The following CEP112 variants were observed in gnomAD, a reference collection of about 807,000 sequenced individuals.
The protein encoded by CEP112 is centrosomal protein 112.
CEP112 carries 127 observed loss-of-function variants against 153.0 expected under a neutral mutation model. The ratio of observed to expected loss-of-function variants is 0.83; its 90% CI spans 0.72 to 0.96. CEP112 has a LOEUF of 0.96. Ranked by LOEUF, CEP112 falls within the 40% of genes least tolerant of loss-of-function variation. CEP112 has a pLI of 0.00. For synonymous variants in CEP112, 358 were observed against 374.4 expected, an observed-to-expected ratio of 0.96 and a Z score of 0.51; for missense variants, 1,089 against 1,101.2, an observed-to-expected ratio of 0.99 and a Z score of 0.16.
chr17:66,178,580 T>C (rs1416621876), intron 2 of CEP112, among the ~76,000 whole-genome samples: 1 of 152,182 alleles, frequency 6.6e-6, no homozygotes. Context: ...ATTTGTCCAT[T>C]GTCGCTTTGG....
chr17:66,059,745 T>G (rs1314123662), intron 11 of CEP112, among the ~76,000 whole-genome samples: 2 of 152,140 alleles, frequency 1.3e-5, no homozygotes, highest in African/African-American at 4.8e-5. Context: ...TTTGGAGATT[T>G]CTCAGGGAAT....
chr17:65,885,282 T>C (rs1367808484), intron 20 of CEP112, among the ~76,000 whole-genome samples: 1 of 152,208 alleles, frequency 6.6e-6, no homozygotes, highest in African/African-American at 2.4e-5. Flanking sequence ...CTTGGGTTTA[T>C]CTTCTAGGTT....
At chr17:65,958,496 T>C in intron 18 of CEP112, among the ~76,000 whole-genome samples, 1 of 129,014 alleles carries the variant, frequency 7.8e-6, no homozygotes. Context: ...AAGTGCTTGC[T>C]CCTGCTGTCT....
At chr17:65,887,184 A>C (rs1479946669) in intron 20 of CEP112, among the ~76,000 whole-genome samples, 1 of 152,154 alleles carries the variant, frequency 6.6e-6, no homozygotes. Flanking sequence ...ATGGCTTTGA[A>C]GTGAGACACA....
intron 17 of CEP112, among the ~76,000 whole-genome samples, chr17:65,969,079 T>TG (rs2062525332): frequency 1.3e-5 from 1 of 79,476 alleles, no homozygotes; most frequent in Non-Finnish European, 2.2e-5. Context: ...TTTGTGTGTG[T>TG]GGATTTTTTT....
intron 6 of CEP112, among the ~76,000 whole-genome samples, chr17:66,116,131 G>A (rs1015693980): frequency 2.0e-5 from 3 of 152,146 alleles, no homozygotes; most frequent in African/African-American, 7.2e-5. Context: ...TAATGAAAAA[G>A]TATTTACCAA....
intron 24 of CEP112, among the ~76,000 whole-genome samples, chr17:65,647,070 A>G (rs541629264): frequency 1.5e-4 from 23 of 152,354 alleles, no homozygotes; most frequent in African/African-American, 5.5e-4. Flanking sequence ...CACATATTCA[A>G]AAATCCAACC....
intron 12 of CEP112, among the ~76,000 whole-genome samples, chr17:66,047,439 C>G (rs2056236): frequency 0.41 from 62,582 of 152,178 alleles, 14,345 homozygotes; most frequent in East Asian, 0.87. Flanking sequence ...AAACACCCAT[C>G]TTTGGTTTGA....
At chr17:65,895,900 TC>T (rs147175139) in intron 20 of CEP112, among the ~76,000 whole-genome samples, 2,003 of 152,162 alleles carry the variant, frequency 0.013, 22 homozygotes, top group South Asian at 0.051. Context: ...CTTGCAACCC[TC>T]CCAGTTCTCA....
chr17:66,183,771 C>CA (rs925187231), intron 1 of CEP112, among the ~76,000 whole-genome samples: 43 of 144,846 alleles, frequency 3.0e-4, no homozygotes, highest in East Asian at 2.0e-3. Context: ...TATCCATATA[C>CA]AAAAAAAAAA....
At chr17:66,110,436 A>C (rs527837007) in intron 6 of CEP112, among the ~76,000 whole-genome samples, 9 of 152,242 alleles carry the variant, frequency 5.9e-5, no homozygotes, top group African/African-American at 2.2e-4. Context: ...AAAGAAACTC[A>C]AGTATACTTA....
At chr17:66,150,359 A>G (rs373320163) in intron 4 of CEP112, among the ~76,000 whole-genome samples, 14 of 142,760 alleles carry the variant, frequency 9.8e-5, no homozygotes, top group African/African-American at 3.6e-4. Context: ...CACCATGCCC[A>G]GCTAATTTTT....
intron 5 of CEP112, 50 bp from the exon 6 acceptor site, chr17:66,129,873 A>T (rs376557736): frequency 2.0e-5 from 23 of 1,168,612 alleles, no homozygotes; most frequent in Non-Finnish European, 2.8e-5. Context: ...AAGATGGAAG[A>T]AATAAAAGGA....
chr17:65,674,340 A>G (rs1019194337), intron 24 of CEP112, among the ~76,000 whole-genome samples: 2 of 152,220 alleles, frequency 1.3e-5, no homozygotes, highest in Admixed American at 6.5e-5. Flanking sequence ...GGCAGGGAAG[A>G]ATTATGGGGT....
rs184131780 is a variant in CEP112 at position 65,965,370 on chromosome 17, G to A, written c.1737-3772C>T. On this transcript the variant is annotated intron_variant, in intron 17 of 26. Coordinates refer to ENST00000535342, the MANE Select transcript of CEP112 (RefSeq NM_001199165.4). The stretch of plus-strand genomic sequence containing the variant: ...AGCACAGGGAAATATGTAAAATCTG[G>A]TTTCCAGTCCCGCCATACTGTCTGA... Among the ~76,000 whole-genome samples, 21 of 151,738 alleles carry A rather than the reference G, an allele frequency of 1.4e-4. No homozygotes were observed. The East Asian group carries it at 3.9e-3, about 28-fold the overall frequency.
chr17:65,816,438 C>A (rs2056269688), intron 21 of CEP112, among the ~76,000 whole-genome samples: 1 of 151,866 alleles, frequency 6.6e-6, no homozygotes, highest in South Asian at 2.1e-4. Context: ...CCCCCACCCC[C>A]TTCCCACCTT....
chr17:65,760,113 G>A (rs1387916639), intron 21 of CEP112, among the ~76,000 whole-genome samples: 1 of 152,106 alleles, frequency 6.6e-6, no homozygotes, highest in Admixed American at 6.6e-5. Flanking sequence ...TATTAACCTT[G>A]CATCCTGTAA....
chr17:65,746,245 G>A (rs2051458526), intron 22 of CEP112, among the ~76,000 whole-genome samples: 1 of 150,950 alleles, frequency 6.6e-6, no homozygotes, highest in African/African-American at 2.4e-5. Context: ...AGTCCAGGAT[G>A]TTCTAAGAAG....
chr17:65,872,611 C>A (rs1328813286), intron 20 of CEP112, among the ~76,000 whole-genome samples: 1 of 152,028 alleles, frequency 6.6e-6, no homozygotes, highest in African/African-American at 2.4e-5. Context: ...ACAAAAACTA[C>A]CTAGATCAAA....
Sources: allele counts gnomAD v4.1 joint callset (sites outside exome capture counted in the v4.1 genomes callset), GRCh38; gene constraint gnomAD v4.1.1; transcripts MANE v1.5; gene names NCBI Gene and HGNC (gene_info 2026-07-23, HGNC 2026-07-21).